ADAM9: variants seen among roughly 807,000 people sequenced by gnomAD.
ADAM9 encodes disintegrin and metalloproteinase domain-containing protein 9.
In ADAM9, 54 loss-of-function variants were observed where a neutral mutation model predicts 108.1. The observed-to-expected ratio is 0.50, with a 90% CI of 0.40 to 0.63. The LOEUF (loss-of-function observed/expected upper bound fraction) is 0.63. ADAM9 is among the 20% of genes least tolerant of loss of function. The pLI is 0.00. For missense variants in ADAM9, 830 were observed against 997.7 expected (o/e 0.83, Z 2.26); for synonymous variants, 316 against 336.0 (o/e 0.94, Z 0.65).
intron 11 of ADAM9, among the ~76,000 whole-genome samples, chr8:39,035,560 T>C (rs1441156731): frequency 6.6e-6 from 1 of 152,240 alleles, no homozygotes; most frequent in Non-Finnish European, 1.5e-5. Context: ...GGCTCACGCC[T>C]GTAATCCTAG....
Position 39,025,889 on chromosome 8 carries a change from G to A in ADAM9, c.996+5G>A, listed in dbSNP as rs1836903734. On this transcript the variant is annotated splice_donor_5th_base_variant and intron_variant, in intron 10 of 21. Transcript: ENST00000487273. ...CACGCAGGCGGGATTAATGTGGTAC[G>A]TTGTTCTTGATGTTTAACTTTGGAT... is the stretch of plus-strand genomic sequence containing the variant. 4 of 1,613,618 alleles carry A rather than the reference G, an allele frequency of 2.5e-6. No individual in the cohort carries two copies. The highest frequency in any genetic ancestry group is 3.4e-6 in the Non-Finnish European group (4 of 1,179,630).
chr8:39,037,082 AG>A (rs373422716), intron 11 of ADAM9, among the ~76,000 whole-genome samples: 29,945 of 102,040 alleles, frequency 0.29, 3,836 homozygotes, highest in Middle Eastern at 0.43. Flanking sequence ...TTTGAGACGG[AG>A]TCTCGCTCTG....
chr8:39,004,521 T>G (rs1386686779), intron 1 of ADAM9, among the ~76,000 whole-genome samples: 2 of 152,248 alleles, frequency 1.3e-5, no homozygotes, highest in African/African-American at 4.8e-5. Context: ...GGCCAGCATA[T>G]GTAATCTTGT....
chr8:39,026,958 TC>T, intron 11 of ADAM9, 148 bp downstream of exon 11: 12 of 971,838 alleles, frequency 1.2e-5, no homozygotes, highest in South Asian at 6.8e-5. Context: ...CAATGAGAAG[TC>T]TTTTTTTTTT....
chr8:39,088,019 A>G (rs1357143760), intron 18 of ADAM9, among the ~76,000 whole-genome samples: 4 of 152,202 alleles, frequency 2.6e-5, no homozygotes, highest in Non-Finnish European at 5.9e-5. Context: ...TATTAAGAAA[A>G]TCATAAGAGA....
At chr8:39,024,797 A>G (rs1263061236) in intron 9 of ADAM9, among the ~76,000 whole-genome samples, 2 of 152,216 alleles carry the variant, frequency 1.3e-5, no homozygotes, top group East Asian at 3.8e-4. Context: ...TAGTATGTTA[A>G]CCAATGATAA....
intron 12 of ADAM9, among the ~76,000 whole-genome samples, chr8:39,053,886 G>T (rs1564317726): frequency 6.6e-6 from 1 of 152,188 alleles, no homozygotes; most frequent in Non-Finnish European, 1.5e-5. Context: ...CTGAATGTTT[G>T]TGCTTCCCCA....
Position 39,018,886 on chromosome 8 carries a change from G to A in ADAM9, c.640G>A (p.Val214Met), listed in dbSNP as rs1836637658. ...AGCTGTCTTGCCACAGACCCGGTATGTGGAGCTGTTCATTGTCGTAGACAA... is the reference window on the plus strand; with the variant it reads ...AGCTGTCTTGCCACAGACCCGGTATATGGAGCTGTTCATTGTCGTAGACAA... ...RRAVLPQTRYVELFIVVDKER... is the reference protein window; with the variant it reads ...RRAVLPQTRYMELFIVVDKER... The change falls in exon 7 of 22, where the codon GTG becomes ATG. Residue 214 changes from valine (V) to methionine (M), a missense_variant. Transcript: ENST00000487273. 6.2e-7 allele frequency: 1 copy of A among 1,613,922 alleles called. No homozygotes were observed. Among genetic ancestry groups the A allele is most frequent in the Non-Finnish European group, 8.5e-7 (1 of 1,179,972 alleles).
chr8:39,098,908 C>T (rs1839593888), intron 20 of ADAM9, among the ~76,000 whole-genome samples: 4 of 151,900 alleles, frequency 2.6e-5, no homozygotes, highest in Admixed American at 2.6e-4. Context: ...TTGCCAGATG[C>T]TTGGGGGCAT....
At position 39,019,063 on chromosome 8, in the gene ADAM9, A is replaced by G. The variant is rs1326962582; in HGVS notation, c.672+145A>G. On this transcript the variant is annotated intron_variant, in intron 7 of 21. Coordinates refer to ENST00000487273, the MANE Select transcript of ADAM9 (RefSeq NM_003816.3). ...AACTAAAATGGTTTTTTTCCCTTAA[A>G]CTTTATACCACCAGAATACCAACAG... The G allele has an allele frequency of 9.2e-6, 7 of 762,988 alleles. No homozygotes were observed. In the East Asian group the frequency reaches 1.9e-4, roughly 21 times the overall value. 47.3% of individuals were successfully genotyped at this position (762,988 alleles called of 1,614,324 possible).
chr8:39,046,876 C>T (rs1837792219), intron 12 of ADAM9, among the ~76,000 whole-genome samples: 1 of 152,052 alleles, frequency 6.6e-6, no homozygotes, highest in Non-Finnish European at 1.5e-5. Context: ...CCAAGTGATC[C>T]TCGTGCCTCA....
intron 20 of ADAM9, among the ~76,000 whole-genome samples, chr8:39,092,418 T>A (rs975472603): frequency 2.0e-5 from 3 of 152,064 alleles, no homozygotes; most frequent in African/African-American, 4.8e-5. Flanking sequence ...AGGCCCTTTC[T>A]CCTCTTAACC....
intron 14 of ADAM9, among the ~76,000 whole-genome samples, chr8:39,069,585 A>G (rs564246490): frequency 6.6e-6 from 1 of 152,350 alleles, no homozygotes; most frequent in East Asian, 1.9e-4. Flanking sequence ...TGAGGAAGGC[A>G]GGGCTCAGAG....
rs1564297683 is a variant in ADAM9, at chr8:39,045,118, G to GTGTGTGCATACATATA, written c.1302+3007_1302+3008insCATACATATATGTGTG. On this transcript the variant is annotated intron_variant, in intron 12 of 21. Transcript: ENST00000487273. ...TATGTGTGTGTGCATACATACATAT[G>GTGTGTGCATACATATA]TGTGTGTGCATACATACATATATGT... Among the ~76,000 whole-genome samples the GTGTGTGCATACATATA allele has an allele frequency of 1.4e-4, 10 of 72,002 alleles. 2 individuals are homozygous for GTGTGTGCATACATATA. The highest frequency in any genetic ancestry group is 9.7e-4 in the Admixed American group (7 of 7,202). 47.2% of individuals were successfully genotyped at this position (72,002 alleles called of 152,430 possible). A position where few individuals can be genotyped will look rare whatever the true frequency, so the allele number is the denominator to read the frequency against.
chr8:39,027,677 C>T (rs1423349133), intron 11 of ADAM9, among the ~76,000 whole-genome samples: 2 of 152,132 alleles, frequency 1.3e-5, no homozygotes, highest in Non-Finnish European at 2.9e-5. Context: ...CAACGAGGTT[C>T]CTTCCTAATT....
chr8:39,103,883 T>C lies in ADAM9; in HGVS notation c.*183T>C. 1 of 707,732 alleles carries C rather than the reference T, an allele frequency of 1.4e-6. No homozygotes were observed. 43.8% of individuals were successfully genotyped at this position (707,732 alleles called of 1,614,324 possible). A position where few individuals can be genotyped will look rare whatever the true frequency, so the allele number is the denominator to read the frequency against. On this transcript the variant is annotated 3_prime_UTR_variant, in exon 22 of 22. Coordinates refer to ENST00000487273, the MANE Select transcript of ADAM9 (RefSeq NM_003816.3). ...GTGAGAGTTGTGAAATACAAGGAAA[T>C]GCAGTAAAGCCAGGGAATTTACAAT...
intron 2 of ADAM9, among the ~76,000 whole-genome samples, chr8:39,011,042 G>A (rs1341559897): frequency 6.0e-5 from 9 of 149,756 alleles, no homozygotes; most frequent in African/African-American, 1.5e-4. Context: ...GCAGTGAGCC[G>A]AGATTGTGCC....
chr8:39,070,901 G>A (rs972960185), intron 14 of ADAM9, among the ~76,000 whole-genome samples: 4 of 152,168 alleles, frequency 2.6e-5, no homozygotes, highest in African/African-American at 4.8e-5. Context: ...GTATTAGCTG[G>A]CAGTGTTTTC....
chr8:38,997,603 A>T (rs1456416054), intron 1 of ADAM9, among the ~76,000 whole-genome samples: 1 of 152,176 alleles, frequency 6.6e-6, no homozygotes, highest in African/African-American at 2.4e-5. Flanking sequence ...TGTCGCTTGG[A>T]AAGAGACTGA....
Sources: allele counts gnomAD v4.1 joint callset (sites outside exome capture counted in the v4.1 genomes callset), GRCh38; gene constraint gnomAD v4.1.1; transcripts MANE v1.5; gene names NCBI Gene and HGNC (gene_info 2026-07-23, HGNC 2026-07-21).